The following CACNB2 variants were observed in gnomAD, a reference collection of about 807,000 sequenced individuals.
CACNB2 encodes voltage-dependent L-type calcium channel subunit beta-2.
Under a neutral mutation model 73.3 loss-of-function variants are expected in CACNB2, and 42 were observed. That is an observed-to-expected ratio of 0.57 (90% confidence interval 0.45 to 0.74). The LOEUF is 0.74. CACNB2 is among the 30% of genes least tolerant of loss of function. The pLI, the probability that CACNB2 is intolerant of heterozygous loss-of-function variation, is 0.00. For missense variants in CACNB2, 940 were observed against 853.0 expected (o/e 1.10, Z -1.27); for synonymous variants, 348 against 310.3 (o/e 1.12, Z -1.28).
intron 2 of CACNB2, among the ~76,000 whole-genome samples, chr10:18,199,888 T>C (rs1350759248): frequency 6.6e-6 from 1 of 151,844 alleles, no homozygotes; most frequent in Non-Finnish European, 1.5e-5. Flanking sequence ...GGGATCTGTA[T>C]ACATTTTAAG....
At position 18,293,101 on chromosome 10, in the gene CACNB2, C is replaced by G. The variant is rs544072454; in HGVS notation, c.214-108823C>G. ...TAAAAATGGTTATTGTGGCTTTTTT[C>G]TGTTATAGACAGTTATTCTTTAAGA... is the stretch of plus-strand genomic sequence containing the variant. On this transcript the variant is annotated intron_variant, in intron 2 of 13. Coordinates refer to ENST00000324631, the MANE Select transcript of CACNB2 (RefSeq NM_201596.3). 3.3e-5 allele frequency among the ~76,000 whole-genome samples: 5 copies of G among 152,168 alleles called. No individual in the cohort carries two copies. In the South Asian group the frequency reaches 1.0e-3, roughly 32 times the overall value.
At chr10:18,233,784 A>G (rs968831348) in intron 2 of CACNB2, among the ~76,000 whole-genome samples, 5 of 152,162 alleles carry the variant, frequency 3.3e-5, no homozygotes, top group African/African-American at 7.2e-5. Flanking sequence ...GTGGGGCACA[A>G]AAGAATAAAA....
At chr10:18,145,074 GA>G (rs1282931135) in intron 1 of CACNB2, among the ~76,000 whole-genome samples, 1 of 152,214 alleles carries the variant, frequency 6.6e-6, no homozygotes, top group Non-Finnish European at 1.5e-5. Context: ...AAACTGAACA[GA>G]CAGTAACCAG....
At chr10:18,436,919 G>A (rs61841999) in intron 3 of CACNB2, among the ~76,000 whole-genome samples, 38,121 of 152,004 alleles carry the variant, frequency 0.25, 5,113 homozygotes, top group East Asian at 0.54. Flanking sequence ...AATCTCACAA[G>A]ATCTCCCATG....
intron 2 of CACNB2, among the ~76,000 whole-genome samples, chr10:18,220,292 T>G (rs2035740304): frequency 7.8e-6 from 1 of 127,424 alleles, no homozygotes; most frequent in Non-Finnish European, 1.7e-5. Context: ...GAGAATCTTA[T>G]TCTGTCACCC....
intron 2 of CACNB2, among the ~76,000 whole-genome samples, chr10:18,322,437 TTTGTTTTTG>T (rs1477343879): frequency 6.6e-6 from 1 of 152,200 alleles, no homozygotes; most frequent in Non-Finnish European, 1.5e-5. Context: ...CAATCAGTAA[TTTGTTTTTG>T]TTGTTTTTAT....
intron 2 of CACNB2, among the ~76,000 whole-genome samples, chr10:18,307,345 C>T (rs1484452983): frequency 6.6e-6 from 1 of 152,048 alleles, no homozygotes; most frequent in African/African-American, 2.4e-5. Flanking sequence ...GCCTGTAGTC[C>T]CAGCTACTCG....
At chr10:18,458,851 C>T (rs899748483) in intron 3 of CACNB2, among the ~76,000 whole-genome samples, 3 of 150,988 alleles carry the variant, frequency 2.0e-5, no homozygotes, top group African/African-American at 4.9e-5. Flanking sequence ...CTGCAACCTC[C>T]GCCTCCCAGG....
At chr10:18,173,722 GAT>G (rs1163534914) in intron 2 of CACNB2, among the ~76,000 whole-genome samples, 20 of 152,152 alleles carry the variant, frequency 1.3e-4, no homozygotes, top group African/African-American at 3.1e-4. Context: ...CTTTTAGTAT[GAT>G]ATGTTTTCTA....
Position 18,364,219 on chromosome 10 carries a change from G to T in CACNB2, c.214-37705G>T, listed in dbSNP as rs1388259869. Among the ~76,000 whole-genome samples the T allele has an allele frequency of 3.3e-5, 5 of 150,066 alleles. No individual in the cohort carries two copies. In the East Asian group the frequency reaches 8.3e-4, roughly 25 times the overall value. Reference sequence around the variant, plus strand: ...TCCACCCACCTCAGCCTCTCAAAGTGCTGGGATTACAGGCATGAGCCGCGG... The same window carrying T: ...TCCACCCACCTCAGCCTCTCAAAGTTCTGGGATTACAGGCATGAGCCGCGG... On this transcript the variant is annotated intron_variant, in intron 2 of 13. Transcript: ENST00000324631.
intron 1 of CACNB2, among the ~76,000 whole-genome samples, chr10:18,150,516 A>T (rs2031417173): frequency 6.6e-6 from 1 of 152,160 alleles, no homozygotes; most frequent in African/African-American, 2.4e-5. Context: ...ATACAAAATT[A>T]GCCAGACGTG....
chr10:18,286,493 G>A (rs373398625), intron 2 of CACNB2, among the ~76,000 whole-genome samples: 10 of 127,674 alleles, frequency 7.8e-5, no homozygotes, highest in East Asian at 4.7e-4. Flanking sequence ...ACTCCGACCT[G>A]GGCAAAAGAG....
intron 2 of CACNB2, among the ~76,000 whole-genome samples, chr10:18,329,840 T>C (rs931103707): frequency 2.6e-5 from 4 of 152,200 alleles, no homozygotes; most frequent in African/African-American, 9.7e-5. Flanking sequence ...TTGTTGTTTG[T>C]TTGGTTTTCT....
At position 18,429,358 on chromosome 10, in the gene CACNB2, A is replaced by G. The variant is rs139986294; in HGVS notation, c.333+27315A>G. Among the ~76,000 whole-genome samples, 28 of 152,242 alleles carry G rather than the reference A, an allele frequency of 1.8e-4. No individual in the cohort carries two copies. In the East Asian group the frequency reaches 5.2e-3, roughly 28 times the overall value. On this transcript the variant is annotated intron_variant, in intron 3 of 13. Coordinates refer to ENST00000324631, the MANE Select transcript of CACNB2 (RefSeq NM_201596.3). ...GGTGTCATCTCACTGTGATCCATCC[A>G]GGTACTGGTTTATGTTTCACTTTTT...
intron 2 of CACNB2, among the ~76,000 whole-genome samples, chr10:18,251,906 A>G (rs934079304): frequency 2.0e-5 from 3 of 152,128 alleles, no homozygotes; most frequent in Admixed American, 6.5e-5. Flanking sequence ...CCCTCCCCCA[A>G]CACTGGGTGT....
intron 3 of CACNB2, among the ~76,000 whole-genome samples, chr10:18,479,232 T>C (rs930031033): frequency 1.2e-4 from 18 of 152,184 alleles, no homozygotes; most frequent in African/African-American, 4.3e-4. Flanking sequence ...TGTGTGTATA[T>C]GTATATATCT....
intron 2 of CACNB2, among the ~76,000 whole-genome samples, chr10:18,261,599 G>T (rs1243438028): frequency 6.6e-6 from 1 of 152,170 alleles, no homozygotes; most frequent in Non-Finnish European, 1.5e-5. Flanking sequence ...TTGTCTCAGA[G>T]ATCTGCCTCA....
chr10:18,246,838 C>G (rs1323783679), intron 2 of CACNB2, among the ~76,000 whole-genome samples: 1 of 152,162 alleles, frequency 6.6e-6, no homozygotes, highest in East Asian at 1.9e-4. Flanking sequence ...TCTCGAACTC[C>G]TGGCCTCAGG....
At chr10:18,498,586 C>G in intron 4 of CACNB2, 109 bp downstream of exon 4, 1 of 1,073,640 alleles carries the variant, frequency 9.3e-7, no homozygotes, top group Non-Finnish European at 1.4e-6. Context: ...CACATCGCTG[C>G]AGTTGTATAA....
Sources: allele counts gnomAD v4.1 joint callset (sites outside exome capture counted in the v4.1 genomes callset), GRCh38; gene constraint gnomAD v4.1.1; transcripts MANE v1.5; gene names NCBI Gene and HGNC (gene_info 2026-07-23, HGNC 2026-07-21).